Variants in ASCC3 observed in about 807,000 individuals in gnomAD.
ASCC3 encodes ASC-1 complex subunit P200.
ASCC3 carries 158 observed loss-of-function variants against 256.3 expected under a neutral mutation model. The ratio of observed to expected loss-of-function variants is 0.62; its 90% confidence interval spans 0.54 to 0.70. The LOEUF (loss-of-function observed/expected upper bound fraction) is 0.70, where lower values mean the gene tolerates loss of function less well. Among genes scored for constraint, ASCC3 ranks in the 30% least tolerant of loss-of-function variants. The pLI is 0.00. For synonymous variants in ASCC3, 948 were observed against 883.4 expected (o/e 1.07, Z -1.30); for missense variants, 2,259 against 2,626.0 (o/e 0.86, Z 3.05).
chr6:100,593,876 T>A (rs1772134407), intron 34 of ASCC3, among the ~76,000 whole-genome samples: 3 of 152,102 alleles, frequency 2.0e-5, no homozygotes. Flanking sequence ...CAATTTGGAA[T>A]ATATTATATT....
intron 3 of ASCC3, among the ~76,000 whole-genome samples, chr6:100,855,979 C>A (rs2114524216): frequency 6.6e-6 from 1 of 152,190 alleles, no homozygotes; most frequent in African/African-American, 2.4e-5. Context: ...TTATCCCAAA[C>A]TATAAAAAAG....
intron 4 of ASCC3, among the ~76,000 whole-genome samples, chr6:100,834,643 T>C (rs180930707): frequency 1.9e-4 from 29 of 152,246 alleles, no homozygotes; most frequent in African/African-American, 6.7e-4. Flanking sequence ...AGAGGCAATA[T>C]AACTAAAAGC....
chr6:100,850,479 T>C (rs1772611288), intron 3 of ASCC3, among the ~76,000 whole-genome samples: 1 of 152,196 alleles, frequency 6.6e-6, no homozygotes, highest in Admixed American at 6.5e-5. Flanking sequence ...TCACTGTACT[T>C]AGCCCCAAAT....
chr6:100,515,972 A>C (rs1362923184), intron 39 of ASCC3, among the ~76,000 whole-genome samples: 1 of 152,196 alleles, frequency 6.6e-6, no homozygotes, highest in Admixed American at 6.6e-5. Flanking sequence ...AACTGTATAA[A>C]GCAGTTTACA....
chr6:100,709,970 G>A (rs1300030024), intron 13 of ASCC3, among the ~76,000 whole-genome samples: 1 of 152,080 alleles, frequency 6.6e-6, no homozygotes. Context: ...TACGGAAAAC[G>A]AATGTCATCA....
chr6:100,612,464 G>C (rs1193571199), intron 30 of ASCC3, among the ~76,000 whole-genome samples: 1 of 152,106 alleles, frequency 6.6e-6, no homozygotes, highest in African/African-American at 2.4e-5. Flanking sequence ...TCTTTTCAAA[G>C]CATGTCAGAC....
At chr6:100,628,085 C>CAAA in intron 27 of ASCC3, 98 bp from the exon 28 acceptor site, 1 of 1,003,774 alleles carries the variant, frequency 1.0e-6, no homozygotes, top group Non-Finnish European at 1.4e-6. Context: ...CCTCAAAAAA[C>CAAA]AAAAACAAAA....
intron 36 of ASCC3, among the ~76,000 whole-genome samples, chr6:100,579,573 T>C (rs1032748593): frequency 1.3e-5 from 2 of 152,108 alleles, no homozygotes; most frequent in Non-Finnish European, 2.9e-5. Context: ...TCGGCAATTA[T>C]CCCAGCACCA....
chr6:100,548,888 T>A (rs927322986), intron 36 of ASCC3, among the ~76,000 whole-genome samples: 1 of 151,968 alleles, frequency 6.6e-6, no homozygotes, highest in Non-Finnish European at 1.5e-5. Flanking sequence ...ATATATACTA[T>A]GTTTTTCCTA....
chr6:100,827,043 A>G (rs1324377143), intron 4 of ASCC3, among the ~76,000 whole-genome samples: 1 of 152,228 alleles, frequency 6.6e-6, no homozygotes, highest in Non-Finnish European at 1.5e-5. Context: ...TACATCAATC[A>G]TCACAAAAAG....
intron 10 of ASCC3, among the ~76,000 whole-genome samples, chr6:100,751,308 T>C (rs911126107): frequency 1.3e-5 from 2 of 152,056 alleles, no homozygotes; most frequent in Non-Finnish European, 2.9e-5. Flanking sequence ...TAAATTTATT[T>C]CAAGTCTTTG....
intron 3 of ASCC3, among the ~76,000 whole-genome samples, chr6:100,850,974 T>A: frequency 6.6e-6 from 1 of 152,158 alleles, no homozygotes; most frequent in East Asian, 1.9e-4. Context: ...TCTACCATTG[T>A]AAATACACAT....
chr6:100,565,999 A>T (rs1183817044), intron 36 of ASCC3, among the ~76,000 whole-genome samples: 1 of 152,140 alleles, frequency 6.6e-6, no homozygotes, highest in Non-Finnish European at 1.5e-5. Flanking sequence ...CTGATGGTCA[A>T]GGAGAGACTA....
intron 13 of ASCC3, among the ~76,000 whole-genome samples, chr6:100,708,736 T>C (rs1778725063): frequency 6.6e-6 from 1 of 152,046 alleles, no homozygotes; most frequent in South Asian, 2.1e-4. Context: ...ACAGGCAAAA[T>C]ACATATCAAC....
chr6:100,613,883 T>C (rs1368245318), intron 30 of ASCC3, among the ~76,000 whole-genome samples: 7 of 152,184 alleles, frequency 4.6e-5, no homozygotes, highest in Admixed American at 1.3e-4. Flanking sequence ...ATTGTGGTTT[T>C]AGTTTGCATT....
intron 36 of ASCC3, among the ~76,000 whole-genome samples, chr6:100,553,661 C>G (rs1383462694): frequency 6.6e-6 from 1 of 152,080 alleles, no homozygotes; most frequent in Non-Finnish European, 1.5e-5. Context: ...ATGATGAACT[C>G]TGCTTGTAAC....
At chr6:100,869,770 A>C (rs923727436) in intron 1 of ASCC3, among the ~76,000 whole-genome samples, 6 of 152,228 alleles carry the variant, frequency 3.9e-5, no homozygotes, top group Non-Finnish European at 1.5e-5. Context: ...CTAGTGCTAC[A>C]CTGAAAACAT....
chr6:100,699,148 T>C (rs1447416105), intron 13 of ASCC3, among the ~76,000 whole-genome samples: 1 of 152,166 alleles, frequency 6.6e-6, no homozygotes, highest in African/African-American at 2.4e-5. Flanking sequence ...AAATAATGCA[T>C]CATATGGTTT....
chr6:100,638,405 T>C (rs1774949103), intron 25 of ASCC3, among the ~76,000 whole-genome samples, 196 bp downstream of exon 25: 1 of 152,210 alleles, frequency 6.6e-6, no homozygotes, highest in Non-Finnish European at 1.5e-5. Context: ...TATTGTGACA[T>C]TCACTATATT....
Sources: allele counts gnomAD v4.1 joint callset (sites outside exome capture counted in the v4.1 genomes callset), GRCh38; gene constraint gnomAD v4.1.1; transcripts MANE v1.5; gene names NCBI Gene and HGNC (gene_info 2026-07-23, HGNC 2026-07-21).